SAP130: variants seen among roughly 807,000 people sequenced by gnomAD.
The protein encoded by SAP130 is histone deacetylase complex subunit SAP130.
In SAP130, 16 loss-of-function variants were observed where a neutral mutation model predicts 103.2. The observed-to-expected ratio is 0.16, with a 90% confidence interval of 0.10 to 0.24. SAP130 has a LOEUF of 0.24. Among genes scored for constraint, SAP130 ranks in the 10% least tolerant of loss-of-function variants. The probability of loss-of-function intolerance (pLI) is 1.00; values close to 1 mark genes in which losing one functional copy is unlikely to be tolerated. For missense variants in SAP130, 990 were observed against 1,359.7 expected, an observed-to-expected ratio of 0.73 and a Z score of 4.28; for synonymous variants, 477 against 497.0, an observed-to-expected ratio of 0.96 and a Z score of 0.53.
chr2:127,994,487 G>A (rs529635307), intron 11 of SAP130, among the ~76,000 whole-genome samples: 180 of 152,328 alleles, frequency 1.2e-3, no homozygotes, highest in Middle Eastern at 3.4e-3. Context: ...AGTTACTCAG[G>A]AGGCTGAGGT....
At chr2:128,001,170 AAATT>A (rs368423526) in intron 7 of SAP130, among the ~76,000 whole-genome samples, 2 of 152,334 alleles carry the variant, frequency 1.3e-5, no homozygotes, top group South Asian at 2.1e-4. Flanking sequence ...AGAGGATGCC[AAATT>A]AATTGGTAGC....
At chr2:127,966,851 T>C (rs1680695849) in intron 15 of SAP130, among the ~76,000 whole-genome samples, 1 of 152,248 alleles carries the variant, frequency 6.6e-6, no homozygotes, top group African/African-American at 2.4e-5. Context: ...CATTATCTTT[T>C]TTCACTGGTA....
At chr2:127,951,224 G>A (rs1435860190) in intron 16 of SAP130, among the ~76,000 whole-genome samples, 1 of 152,156 alleles carries the variant, frequency 6.6e-6, no homozygotes, top group East Asian at 1.9e-4. Context: ...AAAAGCATGT[G>A]TTGTGAGGAC....
intron 7 of SAP130, among the ~76,000 whole-genome samples, chr2:128,007,663 C>T (rs1279878157): frequency 6.6e-6 from 1 of 152,210 alleles, no homozygotes; most frequent in Admixed American, 6.5e-5. Flanking sequence ...AACAAAGGAT[C>T]AGGGGAGTTG....
chr2:127,969,931 C>T (rs1366174944), intron 15 of SAP130, among the ~76,000 whole-genome samples: 1 of 151,998 alleles, frequency 6.6e-6, no homozygotes, highest in African/African-American at 2.4e-5. Flanking sequence ...CTTGTCTCTA[C>T]TAAAAAAATT....
chr2:128,000,224 T>C (rs1431049847), intron 8 of SAP130, 78 bp from the exon 9 acceptor site: 3 of 1,603,162 alleles, frequency 1.9e-6, no homozygotes, highest in South Asian at 2.2e-5. Flanking sequence ...ATGCCTTCGG[T>C]ATCACCAGGC....
At chr2:127,997,680 C>A (rs1409618382) in intron 10 of SAP130, among the ~76,000 whole-genome samples, 2 of 152,122 alleles carry the variant, frequency 1.3e-5, no homozygotes, top group East Asian at 3.8e-4. Context: ...GTTTTTTTCA[C>A]TGAGCCCCAT....
chr2:127,995,459 T>C (rs1172881352), intron 11 of SAP130, among the ~76,000 whole-genome samples: 1 of 151,962 alleles, frequency 6.6e-6, no homozygotes, highest in African/African-American at 2.4e-5. Context: ...TAATAATGAA[T>C]AAAAGCAAAT....
chr2:127,964,071 C>T (rs1051795361), intron 15 of SAP130, among the ~76,000 whole-genome samples: 27 of 152,208 alleles, frequency 1.8e-4, no homozygotes, highest in African/African-American at 5.1e-4. Context: ...GTGGTATGTG[C>T]CTGTAGTCCC....
At position 127,966,641 on chromosome 2, in the gene SAP130, G is replaced by A. The variant is rs182565610; in HGVS notation, c.2064-11297C>T. Among the ~76,000 whole-genome samples, 128 of 151,886 alleles carry A rather than the reference G, an allele frequency of 8.4e-4. No homozygotes were observed. In the Middle Eastern group the frequency reaches 0.01, roughly 12 times the overall value. On this transcript the variant is annotated intron_variant, in intron 15 of 20. Coordinates refer to ENST00000643581, the MANE Select transcript of SAP130 (RefSeq NM_001330301.2). ...TCGCTTGAACCCAGGAGGCGGAGGC[G>A]GCAGTGAGCTGAGACTGCGCCACTG...
At chr2:127,983,826 T>TG (rs1252821526) in intron 14 of SAP130, among the ~76,000 whole-genome samples, 7 of 116,858 alleles carry the variant, frequency 6.0e-5, no homozygotes, top group African/African-American at 2.5e-4. Flanking sequence ...CTTTGTTGTT[T>TG]TTTTTTTTTT....
intron 7 of SAP130, 111 bp downstream of exon 7, chr2:128,010,158 T>TAA: frequency 1.0e-4 from 99 of 964,758 alleles, no homozygotes; most frequent in South Asian, 1.3e-4. Context: ...TAGCTCATTA[T>TAA]AAAAAAAAAA....
rs185709987 is a variant in SAP130 at position 127,964,251 on chromosome 2, T to C, written c.2064-8907A>G. ...GCTCACGCCTGTAATCCCAGCACTT[T>C]GGGAGGCCAAGGAAGGCAGATCACT... On this transcript the variant is annotated intron_variant, in intron 15 of 20. Transcript: ENST00000643581. Among the ~76,000 whole-genome samples, 26 of 152,094 alleles carry C rather than the reference T, an allele frequency of 1.7e-4. 1 individual carries two copies. In the East Asian group the frequency reaches 4.7e-3, roughly 27 times the overall value.
At position 128,027,390 on chromosome 2, in the gene SAP130, T is replaced by C. The variant is rs924997851; in HGVS notation, c.-7+550A>G. 5.3e-6 allele frequency: 6 copies of C among 1,137,026 alleles called. No homozygotes were observed. In the African/African-American group the frequency reaches 8.3e-5, roughly 16 times the overall value. The allele number at this position is 1,137,026 out of a possible 1,614,324, so 70.4% of individuals were successfully genotyped here. A position where few individuals can be genotyped will look rare whatever the true frequency, so the allele number is the denominator to read the frequency against. ...GGACCAATCCACAGCGACCTGCACG[T>C]TCAGAGCCCGCCCCACCCTCCCGCC... On this transcript the variant is annotated intron_variant, in intron 1 of 20. Coordinates refer to ENST00000643581, the MANE Select transcript of SAP130 (RefSeq NM_001330301.2).
intron 7 of SAP130, among the ~76,000 whole-genome samples, chr2:128,003,985 T>TTTTTTTTTTTC (rs1683773460): frequency 8.2e-6 from 1 of 122,698 alleles, no homozygotes; most frequent in African/African-American, 4.3e-5. Context: ...TTTTTTTTTT[T>TTTTTTTTTTTC]TTTTGTTGAC....
chr2:127,971,605 A>G (rs913883909), intron 15 of SAP130, among the ~76,000 whole-genome samples: 10 of 152,046 alleles, frequency 6.6e-5, no homozygotes, highest in African/African-American at 1.7e-4. Flanking sequence ...TCTCATTTCT[A>G]TCTTCCACGG....
intron 15 of SAP130, among the ~76,000 whole-genome samples, chr2:127,965,268 G>T (rs767063311): frequency 3.9e-5 from 6 of 152,188 alleles, no homozygotes; most frequent in Non-Finnish European, 7.4e-5. Flanking sequence ...CTGCACTCCA[G>T]CCTGGCAACA....
In SAP130 at chr2:128,006,987, T is replaced by C. The variant is rs374588972; in HGVS notation, c.869+3282A>G. On this transcript the variant is annotated intron_variant, in intron 7 of 20. Coordinates refer to ENST00000643581, the MANE Select transcript of SAP130 (RefSeq NM_001330301.2). ...GTTTTTGTCTGTTTCATTCACTACT[T>C]GTAGTATATTGCTAGTGTTATATGA... Among the ~76,000 whole-genome samples the C allele has an allele frequency of 3.1e-4, 47 of 152,362 alleles. 1 individual carries two copies. The South Asian group carries it at 6.4e-3, about 21-fold the overall frequency.
In SAP130 at chr2:127,996,608, T is replaced by C; in HGVS notation, c.1214-117A>G. The stretch of plus-strand genomic sequence containing the variant: ...AACAATTAAAATAAGCCTGGATTTT[T>C]AATCAAAATAAAAAATGAAAAATAA... On this transcript the variant is annotated intron_variant, in intron 10 of 20. Coordinates refer to ENST00000643581, the MANE Select transcript of SAP130 (RefSeq NM_001330301.2). The surrounding 1 kb of genome is among the most constrained non-coding windows in gnomAD (Gnocchi z 4.3). 3 of 953,762 alleles carry C rather than the reference T, an allele frequency of 3.1e-6. No homozygotes were observed. Among genetic ancestry groups the C allele is most frequent in the Non-Finnish European group, 4.4e-6 (3 of 689,484 alleles). The allele number at this position is 953,762 out of a possible 1,614,324, so 59.1% of individuals were successfully genotyped here. A position where few individuals can be genotyped will look rare whatever the true frequency, so the allele number is the denominator to read the frequency against.
Sources: gnomAD v4.1 joint callset for allele counts (sites outside exome capture counted in the v4.1 genomes callset) on GRCh38, gnomAD v4.1.1 for gene constraint, Gnocchi (gnomAD v3.1) non-coding constraint, MANE v1.5 for transcripts, NCBI Gene and HGNC (gene_info 2026-07-23, HGNC 2026-07-21) for gene names.